The following TTN variants were observed in gnomAD, a reference collection of about 807,000 sequenced individuals.
TTN encodes connectin.
TTN carries 1,525 observed loss-of-function variants against 3,223.0 expected under a neutral mutation model. That is an observed-to-expected ratio of 0.47 (90% CI 0.45 to 0.49). TTN has a LOEUF of 0.49. Among genes scored for constraint, TTN ranks in the 20% least tolerant of loss-of-function variants. TTN has a pLI of 0.00. For missense variants in TTN, 40,786 were observed against 43,424.0 expected (o/e 0.94, Z 5.40); for synonymous variants, 14,094 against 15,161.0 (o/e 0.93, Z 5.17).
Position 178,717,527 on chromosome 2 carries a change from G to A in TTN, c.25347C>T (p.Leu8449=), listed in dbSNP as rs1262718344. The A allele has an allele frequency of 6.3e-7, 1 of 1,599,372 alleles. No individual in the cohort carries two copies. The highest frequency in any genetic ancestry group is 1.7e-5 in the Admixed American group (1 of 58,682). The change falls in exon 87 of 363, where the codon CTC becomes CTT. Residue 8449 remains leucine (L), a synonymous_variant. Coordinates refer to ENST00000589042, the MANE Select transcript of TTN (RefSeq NM_001267550.2). ...GTASSSAKLI[L]SEHEVPPFFD... is the part of the protein sequence containing the mutation. ...AGGGTACTGTGAGTTACTCACCTGAGAGAATGAGCTTGGCACTGGATGAAG... is the reference window on the plus strand; with the variant it reads ...AGGGTACTGTGAGTTACTCACCTGAAAGAATGAGCTTGGCACTGGATGAAG...
At chr2:178,794,154 C>G (rs2093651100) in intron 8 of TTN, among the ~76,000 whole-genome samples, 1 of 148,382 alleles carries the variant, frequency 6.7e-6, no homozygotes. Flanking sequence ...TTGACTTTTG[C>G]CTGCTCATAT....
rs1212972694 is a variant in TTN at position 178,533,856 on chromosome 2, G to A, written c.102759C>T (p.Leu34253=). Residue 34253 remains leucine, a synonymous_variant, in exon 358 of 363, where the codon CTC becomes CTT. Transcript: ENST00000589042. The part of the protein sequence containing the change: ...KIKRRTDTMR[L]LERPPEFTLP... The stretch of plus-strand genomic sequence containing the variant: ...GGGTAAATTCTGGTGGCCTTTCCAG[G>A]AGTCTCATTGTGTCTGTTCTGCGCT... 1.9e-6 allele frequency: 3 copies of A among 1,613,882 alleles called. No homozygotes were observed. The highest frequency in any genetic ancestry group is 1.7e-6 in the Non-Finnish European group (2 of 1,179,854).
chr2:178,587,735 T>C lies in TTN; in HGVS notation c.63574A>G (p.Ile21192Val), dbSNP rs758357424. The C allele has an allele frequency of 1.9e-6, 3 of 1,612,554 alleles. No homozygotes were observed. Among genetic ancestry groups the C allele is most frequent in the Non-Finnish European group, 2.5e-6 (3 of 1,179,254 alleles). Residue 21192 changes from isoleucine (I) to valine (V), a missense_variant, in exon 306 of 363, where the codon ATT (isoleucine) becomes GTT (valine). Coordinates refer to ENST00000589042, the MANE Select transcript of TTN (RefSeq NM_001267550.2). ...CCTCTCACTATAGCAAAGAGACGAA[T>C]AGGGCATCCTGCTCTCACTATGACC... is the stretch of plus-strand genomic sequence containing the variant. ...KLVIVRAGCP[I>V]RLFAIVRGRP...
chr2:178,634,501 A>G lies in TTN; in HGVS notation c.42280T>C (p.Ser14094Pro). The G allele has an allele frequency of 1.2e-6, 2 of 1,613,254 alleles. No homozygotes were observed. The highest frequency in any genetic ancestry group is 1.3e-5 in the African/African-American group (1 of 74,982). The change falls in exon 230 of 363, where the codon TCA becomes CCA. Residue 14094 changes from serine (S) to proline (P), a missense_variant. Coordinates refer to ENST00000589042, the MANE Select transcript of TTN (RefSeq NM_001267550.2). The surrounding 1 kb of genome is among the most constrained non-coding windows in gnomAD (Gnocchi z 4.6). ...IWSKGPDIIKSSDKFDIIADG... is the reference protein window; with the variant it reads ...IWSKGPDIIKPSDKFDIIADG... ...GCGATGATATCAAATTTGTCAGATG[A>G]CTTAATTATATCAGGTCCTTTGGAC...
intron 3 of TTN, among the ~76,000 whole-genome samples, chr2:178,800,969 T>C (rs1188531796): frequency 6.6e-6 from 1 of 152,214 alleles, no homozygotes; most frequent in African/African-American, 2.4e-5. Flanking sequence ...CTAGATTTTG[T>C]TATAACATTT....
rs561941986 is a variant in TTN at position 178,548,195 on chromosome 2, C to T, written c.93431G>A (p.Arg31144Gln). 9.9e-6 allele frequency: 16 copies of T among 1,613,654 alleles called. No individual in the cohort carries two copies. Among genetic ancestry groups the T allele is most frequent in the African/African-American group, 2.7e-5 (2 of 74,864 alleles). ...WLKPDHDGGS[R>Q]ITGYLLEMRQ... ...CATTTCAAGCAGGTAGCCAGTGATC[C>T]GGCTGCCTCCATCGTGGTCAGGTTT... Residue 31144 changes from arginine to glutamine, a missense_variant, in exon 339 of 363, where the codon CGG becomes CAG. Physicochemically the swap from Arg to Gln is conservative, Grantham distance 43. Transcript: ENST00000589042. The surrounding 1 kb of genome is among the most constrained non-coding windows in gnomAD (Gnocchi z 4.3).
At chr2:178,766,687 A>G in intron 40 of TTN, 75 bp from the exon 41 acceptor site, 1 of 1,220,246 alleles carries the variant, frequency 8.2e-7, no homozygotes. Context: ...CAGTTAATCA[A>G]TTTCTAAAAC....
intron 207 of TTN, 60 bp downstream of exon 207, chr2:178,651,393 A>T: frequency 6.2e-7 from 1 of 1,601,630 alleles, no homozygotes; most frequent in African/African-American, 1.3e-5. Context: ...ACAGAACAAA[A>T]CCCTTTTAGA....
intron 288 of TTN, 21 bp from the exon 289 acceptor site, chr2:178,599,871 T>G: frequency 6.5e-7 from 1 of 1,532,606 alleles, no homozygotes; most frequent in Non-Finnish European, 8.7e-7. Context: ...TAAAAAAAGT[T>G]GTCATTAGGA....
In TTN at chr2:178,773,438, TTAGA is replaced by T. The variant is rs768687530; in HGVS notation, c.7594+20_7594+23del. The stretch of plus-strand genomic sequence containing the variant: ...GAAAGTAGAATGCTTAAAGTAATTA[TTAGA>T]TAGGTAGAATAATCCTTACTTTCTA... On this transcript the variant is annotated intron_variant, in intron 32 of 362. Coordinates refer to ENST00000589042, the MANE Select transcript of TTN (RefSeq NM_001267550.2). 1.4e-5 allele frequency: 23 copies of T among 1,613,870 alleles called. No individual in the cohort carries two copies. Among genetic ancestry groups the T allele is most frequent in the Non-Finnish European group, 1.7e-5 (20 of 1,179,942 alleles).
rs984098542 is a variant in TTN, at chr2:178,715,079, G to A, written c.26107C>T (p.Leu8703=). The A allele has an allele frequency of 6.2e-7, 1 of 1,613,688 alleles. No individual in the cohort carries two copies. The highest frequency in any genetic ancestry group is 8.5e-7 in the Non-Finnish European group (1 of 1,179,670). The change falls in exon 90 of 363, where the codon CTG becomes TTG. Residue 8703 remains leucine, a synonymous_variant. Transcript: ENST00000589042. Reference sequence around the variant, plus strand: ...CCAATGTCTGCAGCATCGACATTCAGGATGTGGATACTGGTTAGGAAGTTC... The same window carrying A: ...CCAATGTCTGCAGCATCGACATTCAAGATGTGGATACTGGTTAGGAAGTTC... The part of the protein sequence containing the change: ...SENFLTSIHI[L]NVDAADIGEY...
Position 178,535,511 on chromosome 2 carries a change from A to G in TTN, c.101104T>C (p.Ser33702Pro), listed in dbSNP as rs751545599. Residue 33702 changes from serine to proline, a missense_variant, in exon 358 of 363, where the codon TCA becomes CCA. By Grantham distance (74) the Ser-to-Pro change is moderately conservative (BLOSUM62 -1). Coordinates refer to ENST00000589042, the MANE Select transcript of TTN (RefSeq NM_001267550.2). The stretch of plus-strand genomic sequence containing the variant: ...CATGTTAAGTTGACAGAATCTCGTG[A>G]GACATCACTAACTTTGACTCCTCTG... ...PPRGVKVSDV[S>P]RDSVNLTWTE... is the part of the protein sequence containing the mutation. The G allele has an allele frequency of 6.2e-7, 1 of 1,613,888 alleles. No individual in the cohort carries two copies. Among genetic ancestry groups the G allele is most frequent in the Non-Finnish European group, 8.5e-7 (1 of 1,179,814 alleles).
In TTN at chr2:178,663,881, A is replaced by G; in HGVS notation, c.36386T>C (p.Val12129Ala). 2 of 1,613,340 alleles carry G rather than the reference A, an allele frequency of 1.2e-6. No individual in the cohort carries two copies. The highest frequency in any genetic ancestry group is 1.7e-5 in the Admixed American group (1 of 59,992). ...CAAGGGCACTTTCTCTTCGCGGATA[A>G]CCTCTTTGGAAGCTTCTGGCACTTG... ...PVKVPEASKE[V>A]IREEKVPLAP... Residue 12129 changes from valine (V) to alanine (A), a missense_variant, in exon 170 of 363, where the codon GTT (valine) becomes GCT (alanine). Val to Ala is a moderately conservative substitution (Grantham distance 64). Transcript: ENST00000589042.
chr2:178,541,006 T>C (rs1452716325), intron 350 of TTN: 2 of 289,092 alleles, frequency 6.9e-6, no homozygotes, highest in Non-Finnish European at 1.3e-5. Flanking sequence ...GCATATATTA[T>C]GAATCTCATC....
Position 178,526,720 on chromosome 2 carries a change from C to CAACA in TTN, c.*288_*291dup, listed in dbSNP as rs1223293628. 2.1e-5 allele frequency: 5 copies of CAACA among 237,042 alleles called. No individual in the cohort carries two copies. The highest frequency in any genetic ancestry group is 4.1e-5 in the Non-Finnish European group (5 of 123,332). 14.7% of individuals were successfully genotyped at this position (237,042 alleles called of 1,614,324 possible). On this transcript the variant is annotated 3_prime_UTR_variant, in exon 363 of 363. Coordinates refer to ENST00000589042, the MANE Select transcript of TTN (RefSeq NM_001267550.2). ...CGTTCCATAAGAAACTTTCTCCTAC[C>CAACA]AACAGTTAGTTTCAAAACTTACATT...
rs772925562 is a variant in TTN at position 178,598,957 on chromosome 2, C to G, written c.56753G>C (p.Gly18918Ala). 2.5e-6 allele frequency: 4 copies of G among 1,612,646 alleles called. No homozygotes were observed. The highest frequency in any genetic ancestry group is 3.4e-6 in the Non-Finnish European group (4 of 1,179,446). ...GGTGTCTTTCATTTCCAGCCAGTACCCTGTCACAGGAGAGCCTCCATCATA... is the reference window on the plus strand; with the variant it reads ...GGTGTCTTTCATTTCCAGCCAGTACGCTGTCACAGGAGAGCCTCCATCATA... ...PEYDGGSPVT[G>A]YWLEMKDTTS... The change falls in exon 291 of 363, where the codon GGG becomes GCG. Residue 18918 changes from glycine (G) to alanine (A), a missense_variant. By Grantham distance (60) the Gly-to-Ala change is moderately conservative. Transcript: ENST00000589042.
chr2:178,574,442 T>A lies in TTN; in HGVS notation c.71690A>T (p.Tyr23897Phe), dbSNP rs1457146309. 1 of 1,613,606 alleles carries A rather than the reference T, an allele frequency of 6.2e-7. No homozygotes were observed. The highest frequency in any genetic ancestry group is 2.2e-5 in the East Asian group (1 of 44,852). ...KSSGLTDGIA[Y>F]EFRVIAENMA... ...GTTTTCTGCAATCACCCGGAACTCA[T>A]AAGCAATACCATCTGTAAGTCCACT... is the stretch of plus-strand genomic sequence containing the variant. Residue 23897 changes from tyrosine to phenylalanine, a missense_variant, in exon 326 of 363, where the codon TAT becomes TTT. Tyr to Phe is a conservative substitution (Grantham distance 22). Coordinates refer to ENST00000589042, the MANE Select transcript of TTN (RefSeq NM_001267550.2).
In TTN at chr2:178,588,649, G is replaced by T. The variant is rs2049579414; in HGVS notation, c.63076C>A (p.Gln21026Lys). The change falls in exon 304 of 363, where the codon CAG (glutamine) becomes AAG (lysine). Residue 21026 changes from glutamine to lysine, a missense_variant. Gln to Lys is a moderately conservative substitution (Grantham distance 53). Transcript: ENST00000589042. ...SAIPERRMKV[Q>K]NLLPDHEYQF... ...TATTCATGGTCTGGGAGGAGATTCT[G>T]TACTTTCATACGTCTCTCAGGGATT... 6.2e-7 allele frequency: 1 copy of T among 1,609,688 alleles called. No individual in the cohort carries two copies.
rs1001499509 is a variant in TTN at position 178,557,366 on chromosome 2, A to G, written c.87896T>C (p.Val29299Ala). The change falls in exon 329 of 363, where the codon GTC (valine) becomes GCC (alanine). Residue 29299 changes from valine (V) to alanine (A), a missense_variant. Val to Ala is a moderately conservative substitution (Grantham distance 64, BLOSUM62 0). Coordinates refer to ENST00000589042, the MANE Select transcript of TTN (RefSeq NM_001267550.2). ...KLVIRTTHFK[V>A]TTISAGLIYE... is the part of the protein sequence containing the mutation. ...AATAAGTCCAGCACTGATTGTTGTGACTTTGAAGTGAGTTGTGCGGATGAC... is the reference window on the plus strand; with the variant it reads ...AATAAGTCCAGCACTGATTGTTGTGGCTTTGAAGTGAGTTGTGCGGATGAC... 1 of 1,613,956 alleles carries G rather than the reference A, an allele frequency of 6.2e-7. No homozygotes were observed. The highest frequency in any genetic ancestry group is 8.5e-7 in the Non-Finnish European group (1 of 1,179,862).
Sources: allele counts gnomAD v4.1 joint callset (sites outside exome capture counted in the v4.1 genomes callset), GRCh38; gene constraint gnomAD v4.1.1; non-coding constraint Gnocchi (gnomAD v3.1); transcripts MANE v1.5; gene names NCBI Gene and HGNC (gene_info 2026-07-23, HGNC 2026-07-21).